ERC2: variants seen among roughly 807,000 people sequenced by gnomAD.
ERC2 encodes the protein ERC protein 2.
Under a neutral mutation model 114.8 loss-of-function variants are expected in ERC2, and 42 were observed. The ratio of observed to expected loss-of-function variants is 0.37; its 90% CI spans 0.29 to 0.47. The LOEUF (loss-of-function observed/expected upper bound fraction) is 0.47, where lower values mean the gene tolerates loss of function less well. Ranked by LOEUF, ERC2 falls within the 20% of genes least tolerant of loss-of-function variation. The pLI is 0.99. For synonymous variants in ERC2, 454 were observed against 425.5 expected (o/e 1.07, Z -0.82); for missense variants, 939 against 1,150.7 (o/e 0.82, Z 2.66).
chr3:56,026,057 C>CTTTTTTTTTT (rs59635680), intron 7 of ERC2, among the ~76,000 whole-genome samples: 53 of 69,196 alleles, frequency 7.7e-4, no homozygotes, highest in Middle Eastern at 0.011. Context: ...CCGTTTCTTT[C>CTTTTTTTTTT]TTTTTTTTTT....
At chr3:56,255,478 C>T (rs2052454955) in intron 3 of ERC2, among the ~76,000 whole-genome samples, 1 of 152,190 alleles carries the variant, frequency 6.6e-6, no homozygotes, top group African/African-American at 2.4e-5. Context: ...ACCATCTTGA[C>T]CATGCAAGAG....
intron 17 of ERC2, among the ~76,000 whole-genome samples, chr3:55,552,622 G>C (rs1025574274): frequency 1.4e-5 from 2 of 145,812 alleles, no homozygotes; most frequent in Non-Finnish European, 3.0e-5. Context: ...ACCCCAACCA[G>C]AGAATTTGGA....
At chr3:56,298,005 A>G (rs1038999478) in intron 2 of ERC2, among the ~76,000 whole-genome samples, 2 of 152,230 alleles carry the variant, frequency 1.3e-5, no homozygotes, top group African/African-American at 4.8e-5. Context: ...AGTGCCTCTC[A>G]GGGTATTGAA....
intron 10 of ERC2, among the ~76,000 whole-genome samples, chr3:55,993,143 C>G (rs1050357752): frequency 5.9e-5 from 9 of 152,122 alleles, no homozygotes; most frequent in Admixed American, 5.2e-4. Flanking sequence ...TTTGCCTACC[C>G]CTTGTTTCCC....
chr3:55,832,353 T>C (rs2060641760), intron 14 of ERC2, among the ~76,000 whole-genome samples: 1 of 152,142 alleles, frequency 6.6e-6, no homozygotes, highest in African/African-American at 2.4e-5. Flanking sequence ...CTGGAAGGCA[T>C]CCCCCAGTAG....
At chr3:56,283,734 A>C (rs1426579773) in intron 3 of ERC2, among the ~76,000 whole-genome samples, 1 of 152,288 alleles carries the variant, frequency 6.6e-6, no homozygotes, top group African/African-American at 2.4e-5. Context: ...TGATTAAATC[A>C]TAAAAGAAGT....
chr3:56,367,077 C>T (rs2059177562), intron 2 of ERC2, among the ~76,000 whole-genome samples: 1 of 152,088 alleles, frequency 6.6e-6, no homozygotes, highest in African/African-American at 2.4e-5. Flanking sequence ...AATTCTTCTC[C>T]AGAAAAAAAC....
At chr3:55,997,886 T>G (rs1215696516) in intron 10 of ERC2, among the ~76,000 whole-genome samples, 471 of 36,476 alleles carry the variant, frequency 0.013, 10 homozygotes, top group Middle Eastern at 0.047. Flanking sequence ...TTCTGTTTTT[T>G]TTTTTTTTTT....
intron 6 of ERC2, among the ~76,000 whole-genome samples, chr3:56,122,421 G>T (rs531051174): frequency 3.3e-5 from 5 of 152,068 alleles, no homozygotes; most frequent in African/African-American, 4.8e-5. Context: ...AGATGCAAGA[G>T]GGATTTATTC....
chr3:56,162,491 G>A (rs911802346), intron 4 of ERC2, among the ~76,000 whole-genome samples: 2 of 152,162 alleles, frequency 1.3e-5, no homozygotes, highest in African/African-American at 4.8e-5. Context: ...GAATTCAACT[G>A]TGAACCCATC....
intron 4 of ERC2, among the ~76,000 whole-genome samples, chr3:56,149,944 A>G (rs1434273309): frequency 6.6e-6 from 1 of 152,156 alleles, no homozygotes; most frequent in Non-Finnish European, 1.5e-5. Context: ...GAGAAGAGAG[A>G]GCTCTTATAG....
chr3:55,651,014 A>ATTTTTTTTTTTTTTT (rs71096493), intron 17 of ERC2, among the ~76,000 whole-genome samples: 2 of 96,316 alleles, frequency 2.1e-5, no homozygotes, highest in Non-Finnish European at 3.9e-5. Flanking sequence ...CACCCAGCTA[A>ATTTTTTTTTTTTTTT]TTTTTTTTTT....
intron 17 of ERC2, among the ~76,000 whole-genome samples, chr3:55,609,991 C>T (rs1316254437): frequency 2.7e-5 from 4 of 146,950 alleles, no homozygotes; most frequent in East Asian, 4.1e-4. Flanking sequence ...GACGCCTGCA[C>T]GCATCAAAAT....
At chr3:56,173,559 TC>T (rs1560305938) in intron 3 of ERC2, 39 bp from the exon 4 acceptor site, 1 of 1,593,252 alleles carries the variant, frequency 6.3e-7, no homozygotes. Flanking sequence ...TGACGGTTCA[TC>T]CTTCCGTTAC....
intron 15 of ERC2, among the ~76,000 whole-genome samples, chr3:55,723,249 C>T (rs1173013386): frequency 6.6e-6 from 1 of 152,044 alleles, no homozygotes; most frequent in African/African-American, 2.4e-5. Context: ...TATATGTAGA[C>T]AATGGAATGT....
chr3:56,101,393 T>TTCCTGTAACAGATGAGGAGTTTCA (rs72170400), intron 6 of ERC2, among the ~76,000 whole-genome samples: 25,879 of 151,968 alleles, frequency 0.17, 2,375 homozygotes, highest in African/African-American at 0.23. Context: ...GCTTCACCTG[T>TTCCTGTAACAGATGAGGAGTTTCA]TCCTGTAACA....
Position 55,869,605 on chromosome 3 carries a change from A to C in ERC2, c.2564+18784T>G, listed in dbSNP as rs565277714. ...CCCTCCCTCCTGAAAGCATTCCTCA[A>C]CCACATGACTCCTTCCCATCTGGAA... On this transcript the variant is annotated intron_variant, in intron 14 of 17. Coordinates refer to ENST00000288221, the MANE Select transcript of ERC2 (RefSeq NM_015576.3). 1.3e-4 allele frequency among the ~76,000 whole-genome samples: 20 copies of C among 152,146 alleles called. No individual in the cohort carries two copies. The South Asian group carries it at 4.2e-3, about 32-fold the overall frequency.
intron 2 of ERC2, among the ~76,000 whole-genome samples, chr3:56,397,302 T>C (rs1213615869): frequency 2.6e-5 from 4 of 151,080 alleles, no homozygotes; most frequent in African/African-American, 7.3e-5. Context: ...TGGGCCATGA[T>C]TGCACCACTG....
intron 4 of ERC2, among the ~76,000 whole-genome samples, chr3:56,164,404 A>G (rs529659834): frequency 3.4e-4 from 51 of 152,216 alleles, no homozygotes; most frequent in African/African-American, 1.1e-3. Context: ...AGGTTCATCC[A>G]TGTTGTAGCC....
Sources: gnomAD v4.1 joint callset for allele counts (sites outside exome capture counted in the v4.1 genomes callset) on GRCh38, gnomAD v4.1.1 for gene constraint, MANE v1.5 for transcripts, NCBI Gene and HGNC (gene_info 2026-07-23, HGNC 2026-07-21) for gene names.